Variants in TLCD4 observed in about 807,000 individuals in gnomAD.
The protein encoded by TLCD4 is TLC domain containing 4, also known as TLC domain-containing protein 4.
Under a neutral mutation model 24.2 loss-of-function variants are expected in TLCD4, and 7 were observed. The observed-to-expected ratio is 0.29, with a 90% CI of 0.16 to 0.54. TLCD4 has a LOEUF of 0.54. Among genes scored for constraint, TLCD4 ranks in the 20% least tolerant of loss-of-function variants. TLCD4 has a pLI of 0.95. For synonymous variants in TLCD4, 103 were observed against 106.4 expected, an observed-to-expected ratio of 0.97 and a Z score of 0.20; for missense variants, 259 against 313.9, an observed-to-expected ratio of 0.82 and a Z score of 1.32.
At chr1:95,099,834 CTTA>C in the TLCD4 span, among the ~76,000 whole-genome samples, 1 of 151,246 alleles carries the variant, frequency 6.6e-6, no homozygotes, top group African/African-American at 2.4e-5. Flanking sequence ...ATTATAAAAT[CTTA>C]TTATCACTAT....
At chr1:95,120,295 A>T (rs1676535932) in intron 1 of TLCD4, 2 of 152,208 alleles carry the variant, frequency 1.3e-5, no homozygotes, top group Non-Finnish European at 2.9e-5. Context: ...AAGTAAGGCT[A>T]ATTTTGTAAG....
At chr1:95,142,105 T>G (rs1677212883) in intron 1 of TLCD4, among the ~76,000 whole-genome samples, 1 of 149,696 alleles carries the variant, frequency 6.7e-6, no homozygotes, top group Non-Finnish European at 1.5e-5. Flanking sequence ...CTGTATTTGC[T>G]GGATATGAGC....
chr1:95,105,135 G>A, the TLCD4 span, among the ~76,000 whole-genome samples: 1 of 152,140 alleles, frequency 6.6e-6, no homozygotes, highest in African/African-American at 2.4e-5. Flanking sequence ...CTAGCATCAG[G>A]AGAGAGTATA....
chr1:95,144,650 A>G (rs1287926676), intron 2 of TLCD4, among the ~76,000 whole-genome samples: 1 of 151,816 alleles, frequency 6.6e-6, no homozygotes, highest in African/African-American at 2.4e-5. Context: ...ATCTATTGAT[A>G]TAGAAATCTG....
intron 1 of TLCD4, among the ~76,000 whole-genome samples, chr1:95,133,462 G>C (rs1039969580): frequency 6.6e-6 from 1 of 152,106 alleles, no homozygotes; most frequent in Non-Finnish European, 1.5e-5. Flanking sequence ...AGATTCCCAA[G>C]AAGGCCAGAA....
intron 5 of TLCD4, among the ~76,000 whole-genome samples, chr1:95,168,554 C>CTT (rs34574043): frequency 2.7e-4 from 14 of 51,152 alleles, no homozygotes; most frequent in African/African-American, 1.0e-3. Flanking sequence ...TGTGAGTGAG[C>CTT]TTTTTTTTTT....
At chr1:95,128,530 T>C (rs973964133) in intron 1 of TLCD4, among the ~76,000 whole-genome samples, 1 of 152,184 alleles carries the variant, frequency 6.6e-6, no homozygotes, top group Non-Finnish European at 1.5e-5. Context: ...TAGTTAGGTG[T>C]TGTGGATACC....
At chr1:95,160,214 TC>T (rs1172505460) in intron 5 of TLCD4, among the ~76,000 whole-genome samples, 1 of 152,210 alleles carries the variant, frequency 6.6e-6, no homozygotes, top group Non-Finnish European at 1.5e-5. Flanking sequence ...CTTGAAGAGG[TC>T]CTTCACATCC....
At chr1:95,122,303 G>C (rs866519485) in intron 1 of TLCD4, among the ~76,000 whole-genome samples, 1 of 152,224 alleles carries the variant, frequency 6.6e-6, no homozygotes, top group South Asian at 2.1e-4. Context: ...AGGTTGTAGT[G>C]AGCCGAGATT....
In TLCD4 at chr1:95,195,844, A is replaced by G. The variant is rs1341519185; in HGVS notation, c.*3976A>G. The G allele has an allele frequency of 6.6e-6, 1 of 152,168 alleles. No individual in the cohort carries two copies. The highest frequency in any genetic ancestry group is 1.5e-5 in the Non-Finnish European group (1 of 68,032). 9.4% of individuals were successfully genotyped at this position (152,168 alleles called of 1,614,324 possible). A position where few individuals can be genotyped will look rare whatever the true frequency, so the allele number is the denominator to read the frequency against. ...GATAGTCCTCCCTTGATCTAGAAGTATTCTCTTTGAATCCTTCCATCTCTT... is the reference window on the plus strand; with the variant it reads ...GATAGTCCTCCCTTGATCTAGAAGTGTTCTCTTTGAATCCTTCCATCTCTT... On this transcript the variant is annotated 3_prime_UTR_variant, in exon 7 of 7. Coordinates refer to ENST00000370203, the MANE Select transcript of TLCD4 (RefSeq NM_152487.3).
intron 1 of TLCD4, among the ~76,000 whole-genome samples, chr1:95,122,168 C>T (rs1248576055): frequency 1.3e-5 from 2 of 152,108 alleles, no homozygotes; most frequent in Non-Finnish European, 2.9e-5. Flanking sequence ...GCCTGGCCCA[C>T]CCACATGGTG....
Position 95,169,466 on chromosome 1 carries a change from T to G in TLCD4, c.400-4350T>G, listed in dbSNP as rs372787230. ...GATGAACATAACATCAAATTTACCA[T>G]TTTTACACTGACTCTTTTAATACTT... On this transcript the variant is annotated intron_variant, in intron 5 of 6. Transcript: ENST00000370203. 4.6e-5 allele frequency among the ~76,000 whole-genome samples: 7 copies of G among 152,346 alleles called. No individual in the cohort carries two copies. The East Asian group carries it at 1.2e-3, about 25-fold the overall frequency.
chr1:95,123,101 G>A (rs1004185876), intron 1 of TLCD4, among the ~76,000 whole-genome samples: 4 of 152,084 alleles, frequency 2.6e-5, no homozygotes, highest in African/African-American at 7.2e-5. Context: ...GAGCCACTGC[G>A]CCTAACCCGG....
chr1:95,192,537 A>C lies in TLCD4; in HGVS notation c.*669A>C, dbSNP rs1184761235. 2.6e-5 allele frequency: 4 copies of C among 152,244 alleles called. No individual in the cohort carries two copies. The highest frequency in any genetic ancestry group is 4.4e-5 in the Non-Finnish European group (3 of 68,056). The allele number at this position is 152,244 out of a possible 1,614,324, so 9.4% of individuals were successfully genotyped here. On this transcript the variant is annotated 3_prime_UTR_variant, in exon 7 of 7. Coordinates refer to ENST00000370203, the MANE Select transcript of TLCD4 (RefSeq NM_152487.3). Reference sequence around the variant, plus strand: ...GGTTTTATGTCACCAATTTTGCTGCAAGAATGGGAACTGCTTTTAAATCTG... The same window carrying C: ...GGTTTTATGTCACCAATTTTGCTGCCAGAATGGGAACTGCTTTTAAATCTG...
At chr1:95,145,409 T>C (rs558199389) in intron 2 of TLCD4, among the ~76,000 whole-genome samples, 3 of 152,312 alleles carry the variant, frequency 2.0e-5, no homozygotes, top group South Asian at 4.2e-4. Flanking sequence ...CTAGTTGTTT[T>C]TTTTTGTACT....
At chr1:95,094,608 G>T in the TLCD4 span, among the ~76,000 whole-genome samples, 8 of 152,244 alleles carry the variant, frequency 5.3e-5, no homozygotes, top group East Asian at 1.5e-3. Flanking sequence ...AAACATCTGT[G>T]AACTGGTCTT....
the TLCD4 span, among the ~76,000 whole-genome samples, chr1:95,097,729 C>T: frequency 3.5e-4 from 52 of 150,044 alleles, 2 homozygotes; most frequent in African/African-American, 1.5e-4. Context: ...GAGATGGTGT[C>T]GTAACTTTTA....
At chr1:95,121,369 G>A (rs1207809955) in intron 1 of TLCD4, among the ~76,000 whole-genome samples, 1 of 152,228 alleles carries the variant, frequency 6.6e-6, no homozygotes, top group Non-Finnish European at 1.5e-5. Context: ...ACAATTTTGA[G>A]AAGTTGGAGC....
chr1:95,101,167 A>G, the TLCD4 span, among the ~76,000 whole-genome samples: 1 of 152,084 alleles, frequency 6.6e-6, no homozygotes, highest in African/African-American at 2.4e-5. Context: ...TCAGCCTCCC[A>G]AAGTGCTAGG....
Sources: allele counts gnomAD v4.1 joint callset (sites outside exome capture counted in the v4.1 genomes callset), GRCh38; gene constraint gnomAD v4.1.1; transcripts MANE v1.5; gene names NCBI Gene and HGNC (gene_info 2026-07-23, HGNC 2026-07-21).